The following SAMD12 variants were observed in gnomAD, a reference collection of about 807,000 sequenced individuals.
The protein encoded by SAMD12 is sterile alpha motif domain-containing protein 12.
A neutral mutation model predicts 15.0 loss-of-function variants in SAMD12; 9 were observed. That is an observed-to-expected ratio of 0.60 (90% CI 0.36 to 1.05). SAMD12 has a LOEUF of 1.05. Ranked by LOEUF, SAMD12 falls within the 50% of genes least tolerant of loss-of-function variation. SAMD12 has a pLI of 0.01. For missense variants in SAMD12, 230 were observed against 234.2 expected (o/e 0.98, Z 0.12); for synonymous variants, 86 against 90.1 (o/e 0.96, Z 0.25).
chr8:118,372,197 G>A (rs1819138691), intron 4 of SAMD12, among the ~76,000 whole-genome samples: 1 of 152,118 alleles, frequency 6.6e-6, no homozygotes, highest in South Asian at 2.1e-4. Context: ...TTTCTCAGGA[G>A]CAAGAAGATT....
chr8:118,279,715 G>C (rs1252072874), intron 4 of SAMD12, among the ~76,000 whole-genome samples: 1 of 152,208 alleles, frequency 6.6e-6, no homozygotes, highest in Non-Finnish European at 1.5e-5. Flanking sequence ...AAATGAGTGA[G>C]AAGTCTATTT....
intron 2 of SAMD12, among the ~76,000 whole-genome samples, chr8:118,542,373 A>C (rs1488214865): frequency 6.6e-6 from 1 of 152,242 alleles, no homozygotes; most frequent in Admixed American, 6.5e-5. Context: ...ACTATGATGA[A>C]ATGTCTTAGA....
At chr8:118,567,095 C>T (rs529437436) in intron 2 of SAMD12, among the ~76,000 whole-genome samples, 2 of 152,272 alleles carry the variant, frequency 1.3e-5, no homozygotes, top group East Asian at 1.9e-4. Flanking sequence ...CTAAACACTT[C>T]ACTTATAAAC....
chr8:118,568,933 A>G (rs1826928545), intron 2 of SAMD12, among the ~76,000 whole-genome samples: 1 of 152,042 alleles, frequency 6.6e-6, no homozygotes, highest in Middle Eastern at 3.2e-3. Flanking sequence ...TGTAATGCCA[A>G]TTTTAAAAAA....
the SAMD12 span, among the ~76,000 whole-genome samples, chr8:118,155,411 A>C: frequency 6.6e-6 from 1 of 152,222 alleles, no homozygotes; most frequent in Non-Finnish European, 1.5e-5. Flanking sequence ...GTATCTTAAA[A>C]GTTCTGTATA....
At chr8:118,525,163 C>A (rs1389906826) in intron 2 of SAMD12, among the ~76,000 whole-genome samples, 1 of 152,166 alleles carries the variant, frequency 6.6e-6, no homozygotes, top group Non-Finnish European at 1.5e-5. Flanking sequence ...TACAGCACAT[C>A]AAGCATGCTC....
At chr8:118,255,901 C>T (rs1812928236) in intron 4 of SAMD12, among the ~76,000 whole-genome samples, 1 of 152,040 alleles carries the variant, frequency 6.6e-6, no homozygotes, top group African/African-American at 2.4e-5. Flanking sequence ...AATGGTATTT[C>T]TAGTTCTAGA....
At chr8:118,482,753 T>C (rs1292308279) in intron 2 of SAMD12, among the ~76,000 whole-genome samples, 1 of 152,184 alleles carries the variant, frequency 6.6e-6, no homozygotes, top group East Asian at 1.9e-4. Context: ...TATTGCTTGC[T>C]TTAAAGCTGT....
chr8:118,423,844 A>G (rs1184435906), intron 3 of SAMD12, among the ~76,000 whole-genome samples: 1 of 152,230 alleles, frequency 6.6e-6, no homozygotes, highest in Non-Finnish European at 1.5e-5. Flanking sequence ...AGATAAAATT[A>G]AACAATATAC....
chr8:118,613,042 C>T (rs755807142), intron 1 of SAMD12, among the ~76,000 whole-genome samples: 33 of 152,310 alleles, frequency 2.2e-4, no homozygotes, highest in Non-Finnish European at 4.3e-4. Context: ...TTGTCAGGGG[C>T]TGTGGGTAGA....
chr8:118,561,522 A>T (rs1484795099), intron 2 of SAMD12, among the ~76,000 whole-genome samples: 1 of 152,230 alleles, frequency 6.6e-6, no homozygotes, highest in South Asian at 2.1e-4. Flanking sequence ...CAGGAAACTT[A>T]CAATCATGGT....
chr8:118,537,504 A>G (rs1794545632), intron 2 of SAMD12, among the ~76,000 whole-genome samples: 1 of 152,052 alleles, frequency 6.6e-6, no homozygotes, highest in African/African-American at 2.4e-5. Context: ...GTATTTTCAA[A>G]TAGTCTGTTT....
chr8:118,510,360 A>G (rs983751651), intron 2 of SAMD12, among the ~76,000 whole-genome samples: 1 of 152,156 alleles, frequency 6.6e-6, no homozygotes, highest in Non-Finnish European at 1.5e-5. Context: ...TACAGATCAC[A>G]CTCTGAGAAA....
chr8:118,550,307 C>T (rs1166908216), intron 2 of SAMD12, among the ~76,000 whole-genome samples: 2 of 152,242 alleles, frequency 1.3e-5, no homozygotes, highest in East Asian at 1.9e-4. Flanking sequence ...AAAGGGAAGC[C>T]CATCAGACTA....
chr8:118,137,759 G>A, the SAMD12 span, among the ~76,000 whole-genome samples: 1 of 151,892 alleles, frequency 6.6e-6, no homozygotes, highest in Non-Finnish European at 1.5e-5. Flanking sequence ...CTGATGAGCT[G>A]AAAAGAAAAA....
chr8:118,309,987 AAAGCTTTACAGCTTCCCCTAC>A (rs1355783874), intron 4 of SAMD12, among the ~76,000 whole-genome samples: 1 of 152,248 alleles, frequency 6.6e-6, no homozygotes, highest in African/African-American at 2.4e-5. Flanking sequence ...TAAAGGAAAG[AAAGCTTTACAGCTTCCCCTAC>A]TTTCCTTATA....
At chr8:118,395,150 G>T (rs1415943841) in intron 3 of SAMD12, among the ~76,000 whole-genome samples, 1 of 152,180 alleles carries the variant, frequency 6.6e-6, no homozygotes, top group East Asian at 1.9e-4. Flanking sequence ...GGATGATAAT[G>T]GGTTCAAAAG....
At chr8:118,553,428 G>A (rs760091982) in intron 2 of SAMD12, among the ~76,000 whole-genome samples, 157 of 152,218 alleles carry the variant, frequency 1.0e-3, no homozygotes, top group Admixed American at 2.1e-3. Context: ...ACAAGAAATG[G>A]GGAAAGGATT....
intron 4 of SAMD12, among the ~76,000 whole-genome samples, chr8:118,272,539 C>T (rs983151686): frequency 1.9e-4 from 29 of 152,304 alleles, no homozygotes; most frequent in Admixed American, 1.8e-3. Flanking sequence ...TTGAATTTAT[C>T]CCCAGAAAAT....
Sources: gnomAD v4.1 joint callset for allele counts (sites outside exome capture counted in the v4.1 genomes callset) on GRCh38, gnomAD v4.1.1 for gene constraint, MANE v1.5 for transcripts, NCBI Gene and HGNC (gene_info 2026-07-23, HGNC 2026-07-21) for gene names.